Variants in BARX1 observed in about 807,000 individuals in gnomAD.
BARX1 encodes the protein BARX homeobox 1.
In BARX1, 10 loss-of-function variants were observed where a neutral mutation model predicts 19.6. The ratio of observed to expected loss-of-function variants is 0.51; its 90% CI spans 0.31 to 0.86. The LOEUF (loss-of-function observed/expected upper bound fraction) is 0.86, where lower values mean the gene tolerates loss of function less well. Among genes scored for constraint, BARX1 ranks in the 40% least tolerant of loss-of-function variants. The pLI is 0.04. For synonymous variants in BARX1, 177 were observed against 170.0 expected, an observed-to-expected ratio of 1.04 and a Z score of -0.32; for missense variants, 309 against 360.4, an observed-to-expected ratio of 0.86 and a Z score of 1.15.
In BARX1 at chr9:93,952,269, GTTC is replaced by G. The variant is rs1377267448; in HGVS notation, c.657_659del (p.Lys219del). Reference sequence around the variant, plus strand: ...TAAGCTGCTCGCTCGTTGGAATTGAGTTCTTCTTGGGCCGCCCCTTGGGCTTGG... The same window carrying G: ...TAAGCTGCTCGCTCGTTGGAATTGAGTTCTTGGGCCGCCCCTTGGGCTTGG... On this transcript the variant is annotated inframe_deletion, in exon 4 of 4. Coordinates refer to ENST00000253968, the MANE Select transcript of BARX1 (RefSeq NM_021570.4). 2 of 1,612,258 alleles carry G rather than the reference GTTC, an allele frequency of 1.2e-6. No homozygotes were observed. The highest frequency in any genetic ancestry group is 1.7e-6 in the Non-Finnish European group (2 of 1,179,946).
chr9:93,951,791 C>G lies in BARX1; in HGVS notation c.*373G>C, dbSNP rs1402899668. The G allele has an allele frequency of 5.0e-6, 1 of 201,906 alleles. No homozygotes were observed. Among genetic ancestry groups the G allele is most frequent in the African/African-American group, 2.3e-5 (1 of 42,992 alleles). 12.5% of individuals were successfully genotyped at this position (201,906 alleles called of 1,614,324 possible). ...GCCCAACCGCTGGGTCCCCGACGTCCAGAAGCGGGTGTGTGCCTGGAGGCT... is the reference window on the plus strand; with the variant it reads ...GCCCAACCGCTGGGTCCCCGACGTCGAGAAGCGGGTGTGTGCCTGGAGGCT... On this transcript the variant is annotated 3_prime_UTR_variant, in exon 4 of 4. Transcript: ENST00000253968.
At position 93,955,110 on chromosome 9, in the gene BARX1, C is replaced by T. The variant is rs1356935133; in HGVS notation, c.37G>A (p.Gly13Ser). 6 of 1,251,910 alleles carry T rather than the reference C, an allele frequency of 4.8e-6. No homozygotes were observed. The highest frequency in any genetic ancestry group is 6.0e-6 in the Non-Finnish European group (6 of 999,550). The allele number at this position is 1,251,910 out of a possible 1,614,324, so 77.6% of individuals were successfully genotyped here. Residue 13 changes from glycine (G) to serine (S), a missense_variant, in exon 1 of 4, where the codon GGC becomes AGC. Physicochemically the swap from Gly to Ser is moderately conservative, Grantham distance 56. Coordinates refer to ENST00000253968, the MANE Select transcript of BARX1 (RefSeq NM_021570.4). The surrounding 1 kb of genome is among the most constrained non-coding windows in gnomAD (Gnocchi z 4.4). Reference protein sequence around the residue: ...RPGEPGAARFGPPEGCADHRP... With the variant: ...RPGEPGAARFSPPEGCADHRP... ...TGGTCCGCGCAGCCCTCGGGCGGGC[C>T]GAAGCGCGCGGCGCCCGGCTCCCCC... is the stretch of plus-strand genomic sequence containing the variant.
Position 93,954,930 on chromosome 9 carries a change from G to T in BARX1, c.217C>A (p.His73Asn). The change falls in exon 1 of 4, where the codon CAC (histidine) becomes AAC (asparagine). Residue 73 changes from histidine (H) to asparagine (N), a missense_variant. Physicochemically the swap from His to Asn is moderately conservative, Grantham distance 68. This residue lies in a region of BARX1 where 204 missense variants were observed against 206.8 expected (regional missense o/e 0.99). Transcript: ENST00000253968. ...CCGCGGCCGCCACACGTACCCAGGT[G>T]GCTGTGGAAGGGCCGCGCCGCCAGC... ...ALLAARPFHS[H>N]LAVLKAEQAA... 1 of 1,339,112 alleles carries T rather than the reference G, an allele frequency of 7.5e-7. No homozygotes were observed. The highest frequency in any genetic ancestry group is 9.5e-7 in the Non-Finnish European group (1 of 1,053,134). 83.0% of individuals were successfully genotyped at this position (1,339,112 alleles called of 1,614,324 possible). A position where few individuals can be genotyped will look rare whatever the true frequency, so the allele number is the denominator to read the frequency against.
Position 93,955,136 on chromosome 9 carries a change from G to C in BARX1, c.11C>G (p.Pro4Arg). The C allele has an allele frequency of 1.7e-6, 2 of 1,176,462 alleles. No individual in the cohort carries two copies. The highest frequency in any genetic ancestry group is 2.1e-6 in the Non-Finnish European group (2 of 956,220). 72.9% of individuals were successfully genotyped at this position (1,176,462 alleles called of 1,614,324 possible). MQRPGEPGAARFGP... is the reference protein window; with the variant it reads MQRRGEPGAARFGP... ...GAAGCGCGCGGCGCCCGGCTCCCCCGGCCGCTGCATCGCGGCGCCCACTGC... is the reference window on the plus strand; with the variant it reads ...GAAGCGCGCGGCGCCCGGCTCCCCCCGCCGCTGCATCGCGGCGCCCACTGC... Residue 4 changes from proline to arginine, a missense_variant, in exon 1 of 4, where the codon CCG becomes CGG. Physicochemically the swap from Pro to Arg is moderately radical, Grantham distance 103 (BLOSUM62 -2). This residue lies in a region of BARX1 where 204 missense variants were observed against 206.8 expected (regional missense o/e 0.99). Transcript: ENST00000253968. This position sits in a 1 kb window ranked among gnomAD's most constrained non-coding sequence, Gnocchi z 4.4.
chr9:93,953,248 C>A, intron 1 of BARX1, 61 bp from the exon 2 acceptor site: 2 of 1,429,420 alleles, frequency 1.4e-6, no homozygotes, highest in Non-Finnish European at 1.8e-6. Flanking sequence ...GCCCCAGGGA[C>A]TGCCGCACCA....
Position 93,951,848 on chromosome 9 carries a change from T to G in BARX1, c.*316A>C. On this transcript the variant is annotated 3_prime_UTR_variant, in exon 4 of 4. Coordinates refer to ENST00000253968, the MANE Select transcript of BARX1 (RefSeq NM_021570.4). ...CCGGGAGGGCAGGCCCCAGACGGGG[T>G]GGGGGTGCAGGCGAGGAGCGGGGCG... The G allele has an allele frequency of 5.4e-5, 16 of 296,180 alleles. No individual in the cohort carries two copies. The highest frequency in any genetic ancestry group is 7.6e-5 in the Non-Finnish European group (12 of 157,200). 18.3% of individuals were successfully genotyped at this position (296,180 alleles called of 1,614,324 possible). A position where few individuals can be genotyped will look rare whatever the true frequency, so the allele number is the denominator to read the frequency against.
chr9:93,952,043 C>A lies in BARX1; in HGVS notation c.*121G>T. The A allele has an allele frequency of 1.6e-6, 2 of 1,289,184 alleles. No individual in the cohort carries two copies. The highest frequency in any genetic ancestry group is 2.1e-6 in the Non-Finnish European group (2 of 956,344). 79.9% of individuals were successfully genotyped at this position (1,289,184 alleles called of 1,614,324 possible). ...GGCCCCAATTGTCCGCATTCAAGATCATAATAAAAAGGCTTAGGAAGTAAA... is the reference window on the plus strand; with the variant it reads ...GGCCCCAATTGTCCGCATTCAAGATAATAATAAAAAGGCTTAGGAAGTAAA... On this transcript the variant is annotated 3_prime_UTR_variant, in exon 4 of 4. Coordinates refer to ENST00000253968, the MANE Select transcript of BARX1 (RefSeq NM_021570.4).
intron 1 of BARX1, among the ~76,000 whole-genome samples, chr9:93,954,375 G>C (rs1463941855): frequency 6.6e-6 from 1 of 152,268 alleles, no homozygotes; most frequent in Non-Finnish European, 1.5e-5. Flanking sequence ...CTGGCCCCAA[G>C]GCAAGGCCGA....
rs572186737 is a variant in BARX1 at position 93,955,135 on chromosome 9, C to T, written c.12G>A (p.Pro4=). ...CGAAGCGCGCGGCGCCCGGCTCCCC[C>T]GGCCGCTGCATCGCGGCGCCCACTG... The part of the protein sequence containing the change: MQR[P]GEPGAARFGP... Residue 4 remains proline, a synonymous_variant, in exon 1 of 4, where the codon CCG becomes CCA. Transcript: ENST00000253968. The surrounding 1 kb of genome is among the most constrained non-coding windows in gnomAD (Gnocchi z 4.4). 1,042 of 1,178,548 alleles carry T rather than the reference C, an allele frequency of 8.8e-4. 9 individuals are homozygous for T. In the African/African-American group the frequency reaches 0.016, roughly 18 times the overall value. 73.0% of individuals were successfully genotyped at this position (1,178,548 alleles called of 1,614,324 possible).
In BARX1 at chr9:93,955,195, GC is replaced by G. The variant is rs1829148194; in HGVS notation, c.-50del. 1 of 919,518 alleles carries G rather than the reference GC, an allele frequency of 1.1e-6. No homozygotes were observed. Among genetic ancestry groups the G allele is most frequent in the African/African-American group, 1.8e-5 (1 of 55,250 alleles). The allele number at this position is 919,518 out of a possible 1,614,324, so 57.0% of individuals were successfully genotyped here. On this transcript the variant is annotated 5_prime_UTR_variant, in exon 1 of 4. Transcript: ENST00000253968. The surrounding 1 kb of genome is among the most constrained non-coding windows in gnomAD (Gnocchi z 4.4). Reference sequence around the variant, plus strand: ...CGGTTTGGCGGCGGCGGCGGCGACGGCTTGGCTCCGGCGCGGGGCCCGCGCG... The same window carrying G: ...CGGTTTGGCGGCGGCGGCGGCGACGGTTGGCTCCGGCGCGGGGCCCGCGCG...
rs772711999 is a variant in BARX1, at chr9:93,952,186, C to T, written c.743G>A (p.Ser248Asn). Reference sequence around the variant, plus strand: ...CCCTCAGTCCTCGCGGCTCCTGTCGCTGGGCTCGCCCGGCACCTCCGCCGG... The same window carrying T: ...CCCTCAGTCCTCGCGGCTCCTGTCGTTGGGCTCGCCCGGCACCTCCGCCGG... ...EKPAEVPGEPSDRSRED is the reference protein window; with the variant it reads ...EKPAEVPGEPNDRSRED Residue 248 changes from serine to asparagine, a missense_variant, in exon 4 of 4, where the codon AGC becomes AAC. Physicochemically the swap from Ser to Asn is conservative, Grantham distance 46. Around this residue, in one of 3 missense-constraint regions of BARX1, gnomAD observed 71 missense variants for 80.4 expected, o/e 0.88. Transcript: ENST00000253968. 2.5e-6 allele frequency: 4 copies of T among 1,609,200 alleles called. No homozygotes were observed. The highest frequency in any genetic ancestry group is 1.1e-5 in the South Asian group (1 of 91,058).
rs571959406 is a variant in BARX1, at chr9:93,954,347, C to A, written c.223+577G>T. 3.9e-5 allele frequency among the ~76,000 whole-genome samples: 6 copies of A among 152,382 alleles called. No individual in the cohort carries two copies. In the East Asian group the frequency reaches 1.2e-3, roughly 29 times the overall value. On this transcript the variant is annotated intron_variant, in intron 1 of 3. Transcript: ENST00000253968. ...GAAACCAGAAGGGACAGCCAGGCAG[C>A]TGCTCACAGTCAGGCCTCTGGCCCC...
intron 2 of BARX1, 41 bp downstream of exon 2, chr9:93,952,855 C>G (rs1443624778): frequency 6.2e-7 from 1 of 1,613,596 alleles, no homozygotes; most frequent in Admixed American, 1.7e-5. Flanking sequence ...CAAGTGACCA[C>G]ACTCCCACAG....
At chr9:93,954,817 G>T in intron 1 of BARX1, 107 bp downstream of exon 1, 2 of 787,200 alleles carry the variant, frequency 2.5e-6, no homozygotes, top group African/African-American at 1.8e-5. Flanking sequence ...TCCCAGAGCA[G>T]CTTCCCGGGG....
At position 93,952,131 on chromosome 9, in the gene BARX1, C is replaced by T; in HGVS notation, c.*33G>A. The stretch of plus-strand genomic sequence containing the variant: ...CCGAGTGAGGGGGCTGCGGGTGGCG[C>T]GGGCATCCCAGGCCCCGCACCGTAT... On this transcript the variant is annotated 3_prime_UTR_variant, in exon 4 of 4. Coordinates refer to ENST00000253968, the MANE Select transcript of BARX1 (RefSeq NM_021570.4). The T allele has an allele frequency of 1.9e-6, 3 of 1,590,240 alleles. No individual in the cohort carries two copies. The highest frequency in any genetic ancestry group is 1.3e-5 in the African/African-American group (1 of 74,630).
intron 3 of BARX1, 141 bp downstream of exon 3, chr9:93,952,588 G>A: frequency 9.1e-7 from 1 of 1,096,516 alleles, no homozygotes; most frequent in South Asian, 1.5e-5. Context: ...AAAAAACTGA[G>A]AGGATTCCGG....
Position 93,954,954 on chromosome 9 carries a change from G to A in BARX1, c.193C>T (p.Leu65=), listed in dbSNP as rs1469396620. Reference sequence around the variant, plus strand: ...TGGCTGTGGAAGGGCCGCGCCGCCAGCAGCGCCTGCACGCCGAACTTCAGC... The same window carrying A: ...TGGCTGTGGAAGGGCCGCGCCGCCAACAGCGCCTGCACGCCGAACTTCAGC... ...ELLKFGVQAL[L]AARPFHSHLA... The change falls in exon 1 of 4, where the codon CTG becomes TTG. Residue 65 remains leucine (L), a synonymous_variant. Coordinates refer to ENST00000253968, the MANE Select transcript of BARX1 (RefSeq NM_021570.4). 3.7e-6 allele frequency: 5 copies of A among 1,365,372 alleles called. No homozygotes were observed. Among genetic ancestry groups the A allele is most frequent in the Non-Finnish European group, 4.7e-6 (5 of 1,066,912 alleles). 84.6% of individuals were successfully genotyped at this position (1,365,372 alleles called of 1,614,324 possible).
rs1489837185 is a variant in BARX1, at chr9:93,955,016, G to T, written c.131C>A (p.Ala44Asp). Reference sequence around the variant, plus strand: ...CGCGGCAGCGGCGGCTGCGGGCGCGGCGCCCTTGGGCCCGGGTGGCTCCGT... The same window carrying T: ...CGCGGCAGCGGCGGCTGCGGGCGCGTCGCCCTTGGGCCCGGGTGGCTCCGT... ...ILTEPPGPKGAAPAAAAAAAG... is the reference protein window; with the variant it reads ...ILTEPPGPKGDAPAAAAAAAG... Residue 44 changes from alanine to aspartate, a missense_variant, in exon 1 of 4, where the codon GCC (alanine) becomes GAC (aspartate). By Grantham distance (126) the Ala-to-Asp change is moderately radical. Coordinates refer to ENST00000253968, the MANE Select transcript of BARX1 (RefSeq NM_021570.4). This position sits in a 1 kb window ranked among gnomAD's most constrained non-coding sequence, Gnocchi z 4.4. 1.4e-6 allele frequency: 2 copies of T among 1,400,056 alleles called. No homozygotes were observed. Among genetic ancestry groups the T allele is most frequent in the Non-Finnish European group, 1.9e-6 (2 of 1,076,764 alleles). The allele number at this position is 1,400,056 out of a possible 1,614,324, so 86.7% of individuals were successfully genotyped here. A position where few individuals can be genotyped will look rare whatever the true frequency, so the allele number is the denominator to read the frequency against.
In BARX1 at chr9:93,951,914, A is replaced by G; in HGVS notation, c.*250T>C. 1.8e-6 allele frequency: 1 copy of G among 553,468 alleles called. No homozygotes were observed. 34.3% of individuals were successfully genotyped at this position (553,468 alleles called of 1,614,324 possible). A position where few individuals can be genotyped will look rare whatever the true frequency, so the allele number is the denominator to read the frequency against. ...CGCTCTGCGCCACGGAGCTCAGGGT[A>G]GAGACTGTAGCTTCCGCCGGGCTGG... On this transcript the variant is annotated 3_prime_UTR_variant, in exon 4 of 4. Transcript: ENST00000253968.
Sources: allele counts gnomAD v4.1 joint callset (sites outside exome capture counted in the v4.1 genomes callset), GRCh38; gene constraint gnomAD v4.1.1; regional missense constraint gnomAD v4.1.1; non-coding constraint Gnocchi (gnomAD v3.1); transcripts MANE v1.5; gene names NCBI Gene and HGNC (gene_info 2026-07-23, HGNC 2026-07-21).